TRERF1: variants seen among roughly 807,000 people sequenced by gnomAD.
TRERF1 encodes the protein transcriptional regulating factor 1.
A neutral mutation model predicts 122.9 loss-of-function variants in TRERF1; 27 were observed. The ratio of observed to expected loss-of-function variants is 0.22; its 90% confidence interval spans 0.16 to 0.30. The LOEUF (loss-of-function observed/expected upper bound fraction) is 0.30. Ranked by LOEUF, TRERF1 falls within the 10% of genes least tolerant of loss-of-function variation. TRERF1 has a pLI of 1.00. For missense variants in TRERF1, 1,248 were observed against 1,560.3 expected, an observed-to-expected ratio of 0.80 and a Z score of 3.37; for synonymous variants, 636 against 641.7, an observed-to-expected ratio of 0.99 and a Z score of 0.13.
chr6:42,265,679 A>G (rs1779014185), intron 6 of TRERF1, 72 bp downstream of exon 6: 1 of 1,467,506 alleles, frequency 6.8e-7, no homozygotes. Context: ...GAATTTAAAA[A>G]TGAATCATGA....
In TRERF1 at chr6:42,374,149, AAAAGAAGAAGAAG is replaced by A. The variant is rs1466103891; in HGVS notation, c.-453-11083_-453-11071del. Among the ~76,000 whole-genome samples, 5 of 145,810 alleles carry A rather than the reference AAAAGAAGAAGAAG, an allele frequency of 3.4e-5. No homozygotes were observed. In the East Asian group the frequency reaches 1.0e-3, roughly 30 times the overall value. On this transcript the variant is annotated intron_variant, in intron 2 of 17. Transcript: ENST00000372922. ...TCTGTCTTTTTTTTAAAAAAAAAAAAAAAGAAGAAGAAGAAGAAGAAGAAGAAGAAGGGGAAGA... is the reference window on the plus strand; with the variant it reads ...TCTGTCTTTTTTTTAAAAAAAAAAAAAAGAAGAAGAAGAAGAAGGGGAAGA...
chr6:42,445,434 C>T (rs1476974151), intron 2 of TRERF1, among the ~76,000 whole-genome samples: 1 of 151,838 alleles, frequency 6.6e-6, no homozygotes, highest in East Asian at 1.9e-4. Context: ...TCTCCACGGG[C>T]TCCTTAGGGC....
intron 3 of TRERF1, among the ~76,000 whole-genome samples, chr6:42,350,244 C>G (rs541591433): frequency 1.3e-5 from 2 of 152,172 alleles, no homozygotes; most frequent in South Asian, 4.1e-4. Flanking sequence ...CAAGCCCTCA[C>G]GTTTTGCAGA....
At chr6:42,360,352 T>C (rs1771478615) in intron 3 of TRERF1, among the ~76,000 whole-genome samples, 2 of 152,334 alleles carry the variant, frequency 1.3e-5, no homozygotes, top group South Asian at 4.1e-4. Context: ...AATAAGCAAA[T>C]TAGAAATTAA....
chr6:42,267,105 G>A (rs773506022), intron 5 of TRERF1, among the ~76,000 whole-genome samples: 10 of 152,158 alleles, frequency 6.6e-5, no homozygotes, highest in Non-Finnish European at 1.2e-4. Flanking sequence ...CAGGAGGATC[G>A]CCTGAGGCCA....
chr6:42,419,165 T>G (rs563608726), intron 2 of TRERF1, among the ~76,000 whole-genome samples: 89 of 152,350 alleles, frequency 5.8e-4, no homozygotes, highest in African/African-American at 1.9e-3. Context: ...TGATATGAAC[T>G]GCCACAATCC....
chr6:42,394,482 C>G (rs763818545), intron 2 of TRERF1, among the ~76,000 whole-genome samples: 1 of 152,164 alleles, frequency 6.6e-6, no homozygotes, highest in Non-Finnish European at 1.5e-5. Context: ...CATTCTAATA[C>G]CTAGTCATTG....
At position 42,389,337 on chromosome 6, in the gene TRERF1, T is replaced by C. The variant is rs1777325980; in HGVS notation, c.-453-26258A>G. Among the ~76,000 whole-genome samples, 4 of 152,210 alleles carry C rather than the reference T, an allele frequency of 2.6e-5. No homozygotes were observed. The South Asian group carries it at 8.3e-4, about 32-fold the overall frequency. On this transcript the variant is annotated intron_variant, in intron 2 of 17. Transcript: ENST00000372922. ...AAGCTGGCCCTAGAGAGACATTCTATTGCCAGGCTACAGACCACACTCCAA... is the reference window on the plus strand; with the variant it reads ...AAGCTGGCCCTAGAGAGACATTCTACTGCCAGGCTACAGACCACACTCCAA...
chr6:42,309,990 C>T (rs935740964), intron 3 of TRERF1, among the ~76,000 whole-genome samples: 4 of 152,168 alleles, frequency 2.6e-5, no homozygotes, highest in Non-Finnish European at 5.9e-5. Context: ...TCTCCAACTC[C>T]TAGGCTGAAG....
At chr6:42,377,801 G>A (rs1042440474) in intron 2 of TRERF1, among the ~76,000 whole-genome samples, 3 of 152,160 alleles carry the variant, frequency 2.0e-5, no homozygotes, top group Non-Finnish European at 4.4e-5. Flanking sequence ...GGAATGTTCA[G>A]TGCCTCTCAA....
At chr6:42,435,150 G>C (rs1051719744) in intron 2 of TRERF1, among the ~76,000 whole-genome samples, 1 of 150,880 alleles carries the variant, frequency 6.6e-6, no homozygotes, top group East Asian at 2.0e-4. Context: ...AAGAAAGAAA[G>C]AAAATCAAAC....
chr6:42,409,630 G>C (rs568840548), intron 2 of TRERF1, among the ~76,000 whole-genome samples: 24 of 152,016 alleles, frequency 1.6e-4, no homozygotes, highest in Non-Finnish European at 3.1e-4. Flanking sequence ...AATTTTCTTT[G>C]AATAAAAATT....
At chr6:42,346,409 C>T (rs1768295563) in intron 3 of TRERF1, among the ~76,000 whole-genome samples, 2 of 152,238 alleles carry the variant, frequency 1.3e-5, no homozygotes, top group African/African-American at 4.8e-5. Context: ...GTGACAGAAG[C>T]TTTCACATCT....
At chr6:42,420,646 C>T (rs1056923730) in intron 2 of TRERF1, among the ~76,000 whole-genome samples, 3 of 152,010 alleles carry the variant, frequency 2.0e-5, no homozygotes, top group Non-Finnish European at 4.4e-5. Context: ...ACATTTGTTA[C>T]AGAAAAATCA....
intron 3 of TRERF1, among the ~76,000 whole-genome samples, chr6:42,323,554 C>G (rs1056732516): frequency 1.3e-5 from 2 of 152,136 alleles, no homozygotes; most frequent in Non-Finnish European, 2.9e-5. Flanking sequence ...GCCCTGCATT[C>G]TATCATGGGA....
chr6:42,420,389 C>G (rs1281029595), intron 2 of TRERF1, among the ~76,000 whole-genome samples: 3 of 152,304 alleles, frequency 2.0e-5, no homozygotes, highest in Admixed American at 2.0e-4. Flanking sequence ...AGAACCCATC[C>G]ACCAATCGCC....
At position 42,346,757 on chromosome 6, in the gene TRERF1, T is replaced by C. The variant is rs971767134; in HGVS notation, c.-371+16240A>G. Among the ~76,000 whole-genome samples the C allele has an allele frequency of 4.6e-5, 7 of 152,310 alleles. No individual in the cohort carries two copies. In the East Asian group the frequency reaches 9.6e-4, roughly 21 times the overall value. ...CAGTCCCAAGCAAACCAGGACGAGT[T>C]GGTCAACCCAGCCATACCATCCTCA... On this transcript the variant is annotated intron_variant, in intron 3 of 17. Coordinates refer to ENST00000372922, the Ensembl canonical transcript of TRERF1.
At chr6:42,412,000 CT>C (rs5875801) in intron 2 of TRERF1, among the ~76,000 whole-genome samples, 56 of 125,254 alleles carry the variant, frequency 4.5e-4, no homozygotes, top group African/African-American at 9.8e-4. Context: ...TTAAAAAATC[CT>C]TTTTTTTTTT....
intron 13 of TRERF1, among the ~76,000 whole-genome samples, chr6:42,246,919 G>C (rs536201004): frequency 1.3e-5 from 2 of 152,172 alleles, no homozygotes; most frequent in African/African-American, 2.4e-5. Context: ...CAGTTTTAAC[G>C]TAATTATCAT....
Sources: allele counts gnomAD v4.1 joint callset (sites outside exome capture counted in the v4.1 genomes callset), GRCh38; gene constraint gnomAD v4.1.1; transcripts MANE v1.5; gene names NCBI Gene and HGNC (gene_info 2026-07-23, HGNC 2026-07-21).